The following SDCCAG8 variants were observed in gnomAD, a reference collection of about 807,000 sequenced individuals.
SDCCAG8 encodes the protein serologically defined colon cancer antigen 8.
A neutral mutation model predicts 101.8 loss-of-function variants in SDCCAG8; 74 were observed. The observed-to-expected ratio is 0.73, with a 90% CI of 0.60 to 0.88. The LOEUF (loss-of-function observed/expected upper bound fraction) is 0.88, where lower values mean the gene tolerates loss of function less well. Among genes scored for constraint, SDCCAG8 ranks in the 40% least tolerant of loss-of-function variants. The pLI is 0.00. For missense variants in SDCCAG8, 787 were observed against 822.6 expected (o/e 0.96, Z 0.53); for synonymous variants, 281 against 292.9 (o/e 0.96, Z 0.41).
At chr1:243,476,310 A>G in intron 16 of SDCCAG8, 1 of 985,486 alleles carries the variant, frequency 1.0e-6, no homozygotes, top group Non-Finnish European at 1.2e-6. Flanking sequence ...GCGGACGGCC[A>G]GGAGTTGTTA....
rs189541350 is a variant in SDCCAG8 at position 243,484,627 on chromosome 1, C to G, written c.1986-4387C>G. The stretch of plus-strand genomic sequence containing the variant: ...GCCATTTCTCTTCATGCCTCAGTGT[C>G]CTGTTTGAGTTGAGCATGTTTTTTT... On this transcript the variant is annotated intron_variant, in intron 16 of 17. Coordinates refer to ENST00000366541, the MANE Select transcript of SDCCAG8 (RefSeq NM_006642.5). 3.5e-4 allele frequency among the ~76,000 whole-genome samples: 54 copies of G among 152,348 alleles called. 1 individual carries two copies. The highest frequency in any genetic ancestry group is 1.4e-3 in the Admixed American group (22 of 15,306).
chr1:243,489,403 C>T (rs576566744), intron 17 of SDCCAG8, among the ~76,000 whole-genome samples: 1 of 152,156 alleles, frequency 6.6e-6, no homozygotes, highest in African/African-American at 2.4e-5. Flanking sequence ...TGCCAAGTTG[C>T]GCCGTGCAGG....
chr1:243,402,458 ATAAT>A lies in SDCCAG8; in HGVS notation c.1617-13242_1617-13239del, dbSNP rs542403376. On this transcript the variant is annotated intron_variant, in intron 13 of 17. Transcript: ENST00000366541. ...AACAGGTGAAATTAGTTTTAATAAC[ATAAT>A]TTATTTAACCCAATGTATAGAAAAT... 4.6e-5 allele frequency among the ~76,000 whole-genome samples: 7 copies of A among 152,188 alleles called. No individual in the cohort carries two copies. The South Asian group carries it at 1.5e-3, about 32-fold the overall frequency.
At chr1:243,420,717 T>C (rs755960495) in intron 15 of SDCCAG8, among the ~76,000 whole-genome samples, 6 of 152,186 alleles carry the variant, frequency 3.9e-5, no homozygotes, top group Non-Finnish European at 8.8e-5. Flanking sequence ...CACAAGAAGG[T>C]AGTGAATAGG....
chr1:243,292,949 A>T (rs1393919143), intron 5 of SDCCAG8, 142 bp from the exon 6 acceptor site: 1 of 1,004,528 alleles, frequency 1.0e-6, no homozygotes, highest in Non-Finnish European at 1.5e-6. Context: ...TAGCCTGAAA[A>T]TGTGAAGTGA....
At chr1:243,257,258 T>A (rs2066826078) in intron 1 of SDCCAG8, among the ~76,000 whole-genome samples, 1 of 152,232 alleles carries the variant, frequency 6.6e-6, no homozygotes, top group South Asian at 2.1e-4. Flanking sequence ...AAACTCTGCT[T>A]TCTATTCTGT....
intron 10 of SDCCAG8, among the ~76,000 whole-genome samples, chr1:243,338,309 C>T (rs1437967236): frequency 6.6e-6 from 1 of 152,156 alleles, no homozygotes; most frequent in African/African-American, 2.4e-5. Flanking sequence ...AAGTGCTAGG[C>T]AGTTAAAGTT....
intron 3 of SDCCAG8, among the ~76,000 whole-genome samples, chr1:243,271,689 T>C (rs952430638): frequency 3.9e-5 from 6 of 151,984 alleles, no homozygotes; most frequent in Admixed American, 3.9e-4. Context: ...TTTACAGATG[T>C]GCACTACCAC....
chr1:243,316,819 A>G lies in SDCCAG8; in HGVS notation c.994A>G (p.Arg332Gly). The G allele has an allele frequency of 6.2e-7, 1 of 1,614,262 alleles. No homozygotes were observed. The highest frequency in any genetic ancestry group is 8.5e-7 in the Non-Finnish European group (1 of 1,180,042). Residue 332 changes from arginine (R) to glycine (G), a missense_variant, in exon 9 of 18, where the codon AGA becomes GGA. Transcript: ENST00000366541. ...GAGCAGCTTGGCAGATACGCAGCAA[A>G]GAGAAGCAAGTGCTTATGAACAGGT... The part of the protein sequence containing the change: ...VRSSLADTQQ[R>G]EASAYEQVKQ...
intron 16 of SDCCAG8, among the ~76,000 whole-genome samples, chr1:243,459,582 T>C (rs2148153202): frequency 6.6e-6 from 1 of 152,234 alleles, no homozygotes. Flanking sequence ...GAATGGAAGG[T>C]GATACTAAAA....
intron 16 of SDCCAG8, among the ~76,000 whole-genome samples, chr1:243,427,695 A>G (rs2148047119): frequency 6.6e-6 from 1 of 151,904 alleles, no homozygotes; most frequent in East Asian, 1.9e-4. Context: ...GGTGGGGGGG[A>G]GGTATTTTTA....
At position 243,344,297 on chromosome 1, in the gene SDCCAG8, CA is replaced by C. The variant is rs587777847; in HGVS notation, c.1444del (p.Thr482LeufsTer12). ...GAAAAGGAGCACAGAGAGTTCAGAG[CA>C]AAAACTAACAGGGATCTTGAAATTA... is the stretch of plus-strand genomic sequence containing the variant. Reference protein sequence around the residue: ...EAEKEHREFRAKTNRDLEIKD... With the variant: ...EAEKEHREFRXKTNRDLEIKD... On this transcript the variant is annotated frameshift_variant, in exon 12 of 18. Coordinates refer to ENST00000366541, the MANE Select transcript of SDCCAG8 (RefSeq NM_006642.5). LOFTEE classifies it high-confidence loss of function. The C allele has an allele frequency of 1.1e-5, 18 of 1,613,670 alleles. No individual in the cohort carries two copies. In the South Asian group the frequency reaches 2.0e-4, roughly 18 times the overall value.
intron 16 of SDCCAG8, among the ~76,000 whole-genome samples, chr1:243,440,993 G>A (rs1387052794): frequency 2.0e-5 from 3 of 152,042 alleles, no homozygotes; most frequent in East Asian, 3.9e-4. Context: ...TTTAAAAATG[G>A]CCATTATCCA....
At chr1:243,420,844 A>T (rs1223047589) in intron 15 of SDCCAG8, among the ~76,000 whole-genome samples, 1 of 152,122 alleles carries the variant, frequency 6.6e-6, no homozygotes, top group African/African-American at 2.4e-5. Flanking sequence ...TTTACATTCC[A>T]TTTTGATGTT....
At chr1:243,260,603 A>G (rs1259515454) in intron 1 of SDCCAG8, among the ~76,000 whole-genome samples, 1 of 152,222 alleles carries the variant, frequency 6.6e-6, no homozygotes, top group Admixed American at 6.5e-5. Context: ...TTTTAGCCTT[A>G]ATAACAGAAT....
chr1:243,263,666 A>G (rs923236591), intron 1 of SDCCAG8, among the ~76,000 whole-genome samples: 47 of 152,166 alleles, frequency 3.1e-4, no homozygotes, highest in Admixed American at 2.6e-3. Context: ...CTTTCTTAAG[A>G]TGTTTACATT....
chr1:243,479,418 G>A (rs1321292617), intron 16 of SDCCAG8, among the ~76,000 whole-genome samples: 1 of 152,182 alleles, frequency 6.6e-6, no homozygotes, highest in Non-Finnish European at 1.5e-5. Flanking sequence ...CGGCCGTTAT[G>A]GTGCAAAAGC....
chr1:243,365,202 G>A (rs2147864240), intron 12 of SDCCAG8, among the ~76,000 whole-genome samples: 1 of 152,218 alleles, frequency 6.6e-6, no homozygotes, highest in African/African-American at 2.4e-5. Flanking sequence ...CCTGTAAAGT[G>A]AGGCGATAGA....
intron 16 of SDCCAG8, among the ~76,000 whole-genome samples, chr1:243,433,385 CT>C (rs2081931736): frequency 1.3e-5 from 2 of 151,128 alleles, no homozygotes; most frequent in South Asian, 4.2e-4. Flanking sequence ...AGGATATACT[CT>C]GCCGCACTCT....
Sources: gnomAD v4.1 joint callset for allele counts (sites outside exome capture counted in the v4.1 genomes callset) on GRCh38, gnomAD v4.1.1 for gene constraint, MANE v1.5 for transcripts, NCBI Gene and HGNC (gene_info 2026-07-23, HGNC 2026-07-21) for gene names.